Variants in RADIL observed in about 807,000 individuals in gnomAD.
RADIL encodes the protein Rap associating with DIL domain, also known as ras-associating and dilute domain-containing protein.
Under a neutral mutation model 97.6 loss-of-function variants are expected in RADIL, and 99 were observed. The observed-to-expected ratio is 1.01, with a 90% confidence interval of 0.86 to 1.20. The LOEUF (loss-of-function observed/expected upper bound fraction) is 1.20, where lower values mean the gene tolerates loss of function less well. Among genes scored for constraint, RADIL ranks in the 50% most tolerant of loss-of-function variants. The pLI, the probability that RADIL is intolerant of heterozygous loss-of-function variation, is 0.00. For missense variants in RADIL, 1,765 were observed against 1,498.9 expected (o/e 1.18, Z -2.93); for synonymous variants, 803 against 691.8 (o/e 1.16, Z -2.52).
chr7:4,852,327 AG>A (rs1490927474), intron 2 of RADIL, among the ~76,000 whole-genome samples: 1 of 152,174 alleles, frequency 6.6e-6, no homozygotes, highest in Non-Finnish European at 1.5e-5. Flanking sequence ...GGCAGAGCTG[AG>A]AGACTACCCC....
chr7:4,809,599 C>G, intron 9 of RADIL: 1 of 985,488 alleles, frequency 1.0e-6, no homozygotes, highest in African/African-American at 1.7e-5. Flanking sequence ...TGCAGACACG[C>G]TCCTTGAACT....
rs893129971 is a variant in RADIL, at chr7:4,798,113, A to G, written c.*1265T>C. The G allele has an allele frequency of 2.0e-5, 3 of 147,874 alleles. No individual in the cohort carries two copies. Among genetic ancestry groups the G allele is most frequent in the Non-Finnish European group, 3.0e-5 (2 of 67,276 alleles). The allele number at this position is 147,874 out of a possible 1,614,324, so 9.2% of individuals were successfully genotyped here. ...ATTTATATATATTCATATATTTTAC[A>G]TATCTTAAATATATATACAAACACT... is the stretch of plus-strand genomic sequence containing the variant. On this transcript the variant is annotated 3_prime_UTR_variant, in exon 15 of 15. Coordinates refer to ENST00000399583, the MANE Select transcript of RADIL (RefSeq NM_018059.5).
At chr7:4,875,560 G>T (rs905534986) in intron 2 of RADIL, among the ~76,000 whole-genome samples, 1 of 152,172 alleles carries the variant, frequency 6.6e-6, no homozygotes, top group Non-Finnish European at 1.5e-5. Flanking sequence ...CCTGAGGACA[G>T]GCCAGGCTGA....
chr7:4,801,131 C>G (rs898863430), intron 12 of RADIL, among the ~76,000 whole-genome samples: 6 of 151,656 alleles, frequency 4.0e-5, no homozygotes, highest in African/African-American at 1.5e-4. Flanking sequence ...TGCAGACACA[C>G]CCATGCAGAG....
At position 4,822,018 on chromosome 7, in the gene RADIL, G is replaced by A. The variant is rs542528234; in HGVS notation, c.1615+376C>T. On this transcript the variant is annotated intron_variant, in intron 6 of 14. Transcript: ENST00000399583. The surrounding 1 kb of genome is among the most constrained non-coding windows in gnomAD (Gnocchi z 5.3). The stretch of plus-strand genomic sequence containing the variant: ...TCTCATGGCCGACGCTCTCTCTACC[G>A]CCCCTTACATTTGGTTCACGGTGGC... 2.0e-5 allele frequency among the ~76,000 whole-genome samples: 3 copies of A among 152,120 alleles called. No individual in the cohort carries two copies. The highest frequency in any genetic ancestry group is 3.9e-4 in the East Asian group (2 of 5,174).
intron 2 of RADIL, among the ~76,000 whole-genome samples, chr7:4,845,043 A>C (rs1367156642): frequency 3.1e-5 from 1 of 32,626 alleles, no homozygotes; most frequent in Non-Finnish European, 5.8e-5. Flanking sequence ...CCTACGTAGG[A>C]AAAAAAAAAG....
At chr7:4,812,301 A>C (rs1043964762) in intron 9 of RADIL, among the ~76,000 whole-genome samples, 3 of 152,146 alleles carry the variant, frequency 2.0e-5, no homozygotes, top group Non-Finnish European at 4.4e-5. Context: ...TTATCAGCAA[A>C]AAGTTGGTTA....
chr7:4,854,889 C>G lies in RADIL; in HGVS notation c.536-18284G>C, dbSNP rs554967260. On this transcript the variant is annotated intron_variant, in intron 2 of 14. Transcript: ENST00000399583. The surrounding 1 kb of genome is among the most constrained non-coding windows in gnomAD (Gnocchi z 5.1). The stretch of plus-strand genomic sequence containing the variant: ...CCCAAGCACATCTTCCTGCCTGTCC[C>G]CACCTCTCACCCCACCAAAGGGAAT... Among the ~76,000 whole-genome samples, 9 of 152,180 alleles carry G rather than the reference C, an allele frequency of 5.9e-5. 1 individual carries two copies. The South Asian group carries it at 6.2e-4, about 11-fold the overall frequency.
chr7:4,836,505 G>C lies in RADIL; in HGVS notation c.636C>G (p.Arg212=), dbSNP rs774439147. Reference sequence around the variant, plus strand: ...TCAGGCTGGTCTCACTGACTGTGCGGCGCAACCGGGGTGGAGGAGAGCTCC... The same window carrying C: ...TCAGGCTGGTCTCACTGACTGTGCGCCGCAACCGGGGTGGAGGAGAGCTCC... The part of the protein sequence containing the change: ...DARSSPPPRL[R]RTVSETSLSP... The change falls in exon 3 of 15, where the codon CGC becomes CGG. Residue 212 remains arginine, a synonymous_variant. Transcript: ENST00000399583. The C allele has an allele frequency of 1.2e-5, 20 of 1,607,078 alleles. No individual in the cohort carries two copies. In the East Asian group the frequency reaches 4.5e-4, roughly 36 times the overall value.
At position 4,867,694 on chromosome 7, in the gene RADIL, C is replaced by T. The variant is rs1398414600; in HGVS notation, c.535+9911G>A. On this transcript the variant is annotated intron_variant, in intron 2 of 14. Coordinates refer to ENST00000399583, the MANE Select transcript of RADIL (RefSeq NM_018059.5). This position sits in a 1 kb window ranked among gnomAD's most constrained non-coding sequence, Gnocchi z 4.1. ...ACAAAAGGAACAATGAGCTTTATAG[C>T]TCAATCCCACTTAGGTAAATTAAAC... is the stretch of plus-strand genomic sequence containing the variant. Among the ~76,000 whole-genome samples the T allele has an allele frequency of 6.6e-6, 1 of 152,020 alleles. No homozygotes were observed. The highest frequency in any genetic ancestry group is 2.1e-4 in the South Asian group (1 of 4,812).
intron 2 of RADIL, 92 bp from the exon 3 acceptor site, chr7:4,836,697 G>A (rs915334496): frequency 6.5e-7 from 1 of 1,534,614 alleles, no homozygotes; most frequent in East Asian, 2.3e-5. Context: ...CAGCACTTTG[G>A]GAGGCCGAGG....
chr7:4,871,054 C>T (rs11974975), intron 2 of RADIL, among the ~76,000 whole-genome samples: 57,836 of 152,082 alleles, frequency 0.38, 12,015 homozygotes, highest in African/African-American at 0.55. Flanking sequence ...TGCTCAAACA[C>T]GTCTTTAAAG....
At chr7:4,805,411 G>T (rs977778423) in intron 10 of RADIL, 155 bp downstream of exon 10, 20 of 903,954 alleles carry the variant, frequency 2.2e-5, no homozygotes, top group Non-Finnish European at 3.0e-5. Context: ...GGGCGGGGCG[G>T]GGGGGTCCTC....
At chr7:4,829,948 C>G (rs914574382) in intron 5 of RADIL, among the ~76,000 whole-genome samples, 2 of 152,180 alleles carry the variant, frequency 1.3e-5, no homozygotes, top group African/African-American at 4.8e-5. Context: ...GGATGGGAAT[C>G]ACGCAAACCT....
rs1034821263 is a variant in RADIL, at chr7:4,817,958, G to A, written c.1616-607C>T. 6.6e-6 allele frequency among the ~76,000 whole-genome samples: 1 copy of A among 152,236 alleles called. No homozygotes were observed. Among genetic ancestry groups the A allele is most frequent in the Non-Finnish European group, 1.5e-5 (1 of 68,032 alleles). ...CAACAGGGTGGAGCCTTCCCCGGGG[G>A]CTTCCAGAAAGTGAGGGAGCATGTG... On this transcript the variant is annotated intron_variant, in intron 6 of 14. Transcript: ENST00000399583. The surrounding 1 kb of genome is among the most constrained non-coding windows in gnomAD (Gnocchi z 8.3).
chr7:4,819,862 A>C lies in RADIL; in HGVS notation c.1616-2511T>G, dbSNP rs28604500. Among the ~76,000 whole-genome samples, 8,505 of 152,244 alleles carry C rather than the reference A, an allele frequency of 0.056. 383 individuals carry two copies. The highest frequency in any genetic ancestry group is 0.13 in the African/African-American group (5,310 of 41,528). ...GGGCCCTGGCTCCCATCGCCGGGCC[A>C]AACACTGCTCAGGCCCCTGACCAAA... On this transcript the variant is annotated intron_variant, in intron 6 of 14. Transcript: ENST00000399583. This position sits in a 1 kb window ranked among gnomAD's most constrained non-coding sequence, Gnocchi z 5.8.
At chr7:4,871,420 C>G (rs1350290420) in intron 2 of RADIL, among the ~76,000 whole-genome samples, 2 of 152,252 alleles carry the variant, frequency 1.3e-5, no homozygotes, top group South Asian at 4.1e-4. Context: ...ACAGTCCCTG[C>G]GGCCCGCACA....
intron 2 of RADIL, among the ~76,000 whole-genome samples, chr7:4,870,892 C>T (rs1459953696): frequency 2.6e-5 from 4 of 152,188 alleles, no homozygotes; most frequent in Non-Finnish European, 5.9e-5. Flanking sequence ...CCCTCCGGGA[C>T]TCACTCAGCT....
chr7:4,830,647 G>A (rs895859753), intron 5 of RADIL, among the ~76,000 whole-genome samples: 5 of 152,084 alleles, frequency 3.3e-5, no homozygotes, highest in African/African-American at 1.2e-4. Flanking sequence ...GGAGGCTGAG[G>A]CAGGTGGATC....
Sources: allele counts gnomAD v4.1 joint callset (sites outside exome capture counted in the v4.1 genomes callset), GRCh38; gene constraint gnomAD v4.1.1; non-coding constraint Gnocchi (gnomAD v3.1); transcripts MANE v1.5; gene names NCBI Gene and HGNC (gene_info 2026-07-23, HGNC 2026-07-21).